The following ATP9B variants were observed in gnomAD, a reference collection of about 807,000 sequenced individuals.
The protein encoded by ATP9B is probable phospholipid-transporting ATPase IIB.
ATP9B carries 110 observed loss-of-function variants against 146.1 expected under a neutral mutation model. That is an observed-to-expected ratio of 0.75 (90% CI 0.65 to 0.88). The LOEUF is 0.88. Ranked by LOEUF, ATP9B falls within the 40% of genes least tolerant of loss-of-function variation. The pLI is 0.00. For missense variants in ATP9B, 1,499 were observed against 1,496.4 expected (o/e 1.00, Z -0.03); for synonymous variants, 604 against 569.7 (o/e 1.06, Z -0.86).
rs147766725 is a variant in ATP9B at position 79,378,276 on chromosome 18, C to CA, written c.*894dup. On this transcript the variant is annotated 3_prime_UTR_variant, in exon 30 of 30. Transcript: ENST00000426216. ...AAAAACAGTCAAGTTACTGAGTTCT[C>CA]ACATAAAGAGCTCTTCTCACACACT... 1.2e-4 allele frequency: 19 copies of CA among 152,390 alleles called. No homozygotes were observed. The highest frequency in any genetic ancestry group is 4.1e-4 in the African/African-American group (17 of 41,592). The allele number at this position is 152,390 out of a possible 1,614,324, so 9.4% of individuals were successfully genotyped here.
At position 79,336,691 on chromosome 18, in the gene ATP9B, G is replaced by C; in HGVS notation, c.2092G>C (p.Glu698Gln). 3 of 1,613,932 alleles carry C rather than the reference G, an allele frequency of 1.9e-6. No individual in the cohort carries two copies. The highest frequency in any genetic ancestry group is 2.5e-6 in the Non-Finnish European group (3 of 1,179,968). The change falls in exon 18 of 30, where the codon GAG (glutamate) becomes CAG (glutamine). Residue 698 changes from glutamate (E) to glutamine (Q), a missense_variant. Transcript: ENST00000426216. Reference sequence around the variant, plus strand: ...GGTTGCAAAGAAGGCGTTGACAGAGGAGCAGTACCAGGACTTTGAGGTGAG... The same window carrying C: ...GGTTGCAAAGAAGGCGTTGACAGAGCAGCAGTACCAGGACTTTGAGGTGAG... ...LVVAKKALTE[E>Q]QYQDFESRYT...
intron 12 of ATP9B, among the ~76,000 whole-genome samples, chr18:79,268,057 A>G (rs147310717): frequency 2.0e-5 from 3 of 152,242 alleles, no homozygotes; most frequent in African/African-American, 7.2e-5. Context: ...ATTGTTGTCT[A>G]TATTCCTACT....
At chr18:79,340,410 A>G (rs2147342995) in intron 19 of ATP9B, 1 of 152,274 alleles carries the variant, frequency 6.6e-6, no homozygotes, top group East Asian at 1.9e-4. Flanking sequence ...TTCTTCTTCA[A>G]CTTTGTCATG....
intron 6 of ATP9B, 94 bp from the exon 7 acceptor site, chr18:79,154,410 A>G (rs374927902): frequency 1.1e-5 from 9 of 812,806 alleles, no homozygotes; most frequent in Non-Finnish European, 1.8e-5. Flanking sequence ...ATATTATCTT[A>G]GTTGTTTTCA....
chr18:79,235,473 G>A (rs2148616926), intron 11 of ATP9B, among the ~76,000 whole-genome samples: 1 of 152,140 alleles, frequency 6.6e-6, no homozygotes, highest in East Asian at 1.9e-4. Flanking sequence ...TTGACGGTCA[G>A]TATTTGAATT....
chr18:79,296,516 A>G (rs1034340874), intron 13 of ATP9B, among the ~76,000 whole-genome samples: 2 of 152,246 alleles, frequency 1.3e-5, no homozygotes, highest in African/African-American at 4.8e-5. Context: ...TTTTTCAAAT[A>G]AATCTCAAGT....
chr18:79,208,016 C>A (rs769384817), intron 10 of ATP9B, among the ~76,000 whole-genome samples: 6 of 152,132 alleles, frequency 3.9e-5, no homozygotes, highest in Admixed American at 1.3e-4. Context: ...GAGGCCGAGG[C>A]GGGCGGATCA....
intron 25 of ATP9B, among the ~76,000 whole-genome samples, chr18:79,348,738 G>T (rs1392932070): frequency 6.6e-6 from 1 of 152,276 alleles, no homozygotes; most frequent in East Asian, 1.9e-4. Context: ...CACTTTGGGA[G>T]GCTGAAGTGG....
intron 11 of ATP9B, among the ~76,000 whole-genome samples, chr18:79,241,041 A>AT (rs1287425479): frequency 6.6e-6 from 1 of 152,214 alleles, no homozygotes; most frequent in Non-Finnish European, 1.5e-5. Context: ...TTAATTGTAA[A>AT]GGGCTATTGG....
chr18:79,123,335 A>G (rs1255967527), intron 4 of ATP9B, among the ~76,000 whole-genome samples: 1 of 152,176 alleles, frequency 6.6e-6, no homozygotes, highest in African/African-American at 2.4e-5. Flanking sequence ...AAAGAAAATT[A>G]TAGGAATAAG....
chr18:79,149,222 T>G (rs1469665518), intron 6 of ATP9B, among the ~76,000 whole-genome samples: 1 of 152,094 alleles, frequency 6.6e-6, no homozygotes, highest in Non-Finnish European at 1.5e-5. Context: ...CTAAACCAAC[T>G]TTGACAAGGA....
chr18:79,123,485 A>C (rs911414727), intron 4 of ATP9B, among the ~76,000 whole-genome samples: 1 of 152,180 alleles, frequency 6.6e-6, no homozygotes, highest in Non-Finnish European at 1.5e-5. Flanking sequence ...CTGACACACA[A>C]ATTTAATCCA....
At chr18:79,305,021 C>T (rs1031112174) in intron 14 of ATP9B, among the ~76,000 whole-genome samples, 2 of 152,126 alleles carry the variant, frequency 1.3e-5, no homozygotes, top group Non-Finnish European at 2.9e-5. Flanking sequence ...CACTGCTCCC[C>T]GGACTTGCAG....
chr18:79,196,194 T>C (rs1004032255), intron 9 of ATP9B, among the ~76,000 whole-genome samples: 2 of 152,174 alleles, frequency 1.3e-5, no homozygotes, highest in African/African-American at 4.8e-5. Flanking sequence ...AGTGTTTTGC[T>C]CCTTCAAAAC....
chr18:79,144,963 G>T, intron 6 of ATP9B: 1 of 228,098 alleles, frequency 4.4e-6, no homozygotes, highest in Non-Finnish European at 8.8e-6. Flanking sequence ...AACATCAAAG[G>T]TCCAACGTGG....
intron 19 of ATP9B, among the ~76,000 whole-genome samples, chr18:79,342,041 G>T (rs1020679093): frequency 6.6e-6 from 1 of 152,158 alleles, no homozygotes; most frequent in Non-Finnish European, 1.5e-5. Context: ...TTCACTCAGC[G>T]TAATGTCCTC....
At chr18:79,093,966 G>A (rs1443873625) in intron 1 of ATP9B, among the ~76,000 whole-genome samples, 1 of 152,198 alleles carries the variant, frequency 6.6e-6, no homozygotes. Flanking sequence ...TACTTTGTAT[G>A]TTGAGTTAAG....
At chr18:79,341,041 G>T (rs1413154509) in intron 19 of ATP9B, among the ~76,000 whole-genome samples, 3 of 152,138 alleles carry the variant, frequency 2.0e-5, no homozygotes, top group African/African-American at 7.2e-5. Context: ...TTACTCACAT[G>T]CCTCCATATC....
chr18:79,182,732 A>T (rs1352309367), intron 8 of ATP9B, among the ~76,000 whole-genome samples: 1 of 152,188 alleles, frequency 6.6e-6, no homozygotes, highest in African/African-American at 2.4e-5. Context: ...GATGAAACAA[A>T]CTGCATGACA....
Sources: allele counts gnomAD v4.1 joint callset (sites outside exome capture counted in the v4.1 genomes callset), GRCh38; gene constraint gnomAD v4.1.1; transcripts MANE v1.5; gene names NCBI Gene and HGNC (gene_info 2026-07-23, HGNC 2026-07-21).